Variants in KIRREL3 observed in about 807,000 individuals in gnomAD.
KIRREL3 encodes kin of IRRE-like protein 3.
Under a neutral mutation model 89.7 loss-of-function variants are expected in KIRREL3, and 36 were observed. The ratio of observed to expected loss-of-function variants is 0.40; its 90% confidence interval spans 0.31 to 0.53. The LOEUF (loss-of-function observed/expected upper bound fraction) is 0.53. Among genes scored for constraint, KIRREL3 ranks in the 20% least tolerant of loss-of-function variants. The pLI is 0.49. For missense variants in KIRREL3, 864 were observed against 1,056.6 expected (o/e 0.82, Z 2.53); for synonymous variants, 445 against 441.4 (o/e 1.01, Z -0.10).
In KIRREL3 at chr11:126,923,005, GTGCCC is replaced by G. The variant is rs368308983; in HGVS notation, c.55+77445_55+77449del. On this transcript the variant is annotated intron_variant, in intron 1 of 16. Transcript: ENST00000525144. ...GTCGGTGCCCTTGCACCAAGCATTCGTGCCCTGGCTCCCATGGCAGCATGCCCTCC... is the reference window on the plus strand; with the variant it reads ...GTCGGTGCCCTTGCACCAAGCATTCGTGGCTCCCATGGCAGCATGCCCTCC... Among the ~76,000 whole-genome samples, 150 of 152,276 alleles carry G rather than the reference GTGCCC, an allele frequency of 9.9e-4. No individual in the cohort carries two copies. The East Asian group carries it at 0.021, about 21-fold the overall frequency.
chr11:126,625,086 A>G (rs1943725779), intron 1 of KIRREL3, among the ~76,000 whole-genome samples: 1 of 152,118 alleles, frequency 6.6e-6, no homozygotes. Context: ...AACACTACAT[A>G]TCCCTGATGA....
At chr11:126,816,622 C>G (rs536493393) in intron 1 of KIRREL3, among the ~76,000 whole-genome samples, 1 of 152,310 alleles carries the variant, frequency 6.6e-6, no homozygotes, top group East Asian at 1.9e-4. Context: ...ATCTGTAACC[C>G]AGGAATCTCC....
Position 126,956,957 on chromosome 11 carries a change from G to A in KIRREL3, c.55+43498C>T, listed in dbSNP as rs551947291. On this transcript the variant is annotated intron_variant, in intron 1 of 16. Coordinates refer to ENST00000525144, the MANE Select transcript of KIRREL3 (RefSeq NM_032531.4). The stretch of plus-strand genomic sequence containing the variant: ...TGTTTTAATTTGCACTCGTGTGCAC[G>A]CCTCTTGGGTTGTGTTCTTAATCTG... 1.2e-4 allele frequency among the ~76,000 whole-genome samples: 18 copies of A among 152,264 alleles called. No individual in the cohort carries two copies. The South Asian group carries it at 2.7e-3, about 23-fold the overall frequency.
In KIRREL3 at chr11:126,510,796, GC is replaced by G. The variant is rs112480549; in HGVS notation, c.433+10518del. ...GTTAGACTTCAGGGACTTTGCACTG[GC>G]CATGGTGCTGACCAATCACAGGCTG... On this transcript the variant is annotated intron_variant, in intron 4 of 16. Coordinates refer to ENST00000525144, the MANE Select transcript of KIRREL3 (RefSeq NM_032531.4). Among the ~76,000 whole-genome samples the G allele has an allele frequency of 3.7e-3, 557 of 152,262 alleles. 5 individuals are homozygous for G. The highest frequency in any genetic ancestry group is 0.013 in the African/African-American group (537 of 41,532).
rs1034201953 is a variant in KIRREL3, at chr11:126,860,336, T to C, written c.55+140119A>G. On this transcript the variant is annotated intron_variant, in intron 1 of 16. Coordinates refer to ENST00000525144, the MANE Select transcript of KIRREL3 (RefSeq NM_032531.4). This position sits in a 1 kb window ranked among gnomAD's most constrained non-coding sequence, Gnocchi z 4.6. ...ATTTAATAAAGGCGTGGGCAATGGG[T>C]CTGGGAGCACAGAGAAGGTTGCCTT... Among the ~76,000 whole-genome samples, 1 of 152,124 alleles carries C rather than the reference T, an allele frequency of 6.6e-6. No individual in the cohort carries two copies. The highest frequency in any genetic ancestry group is 1.5e-5 in the Non-Finnish European group (1 of 68,036).
chr11:126,820,153 A>C (rs1943156743), intron 1 of KIRREL3, among the ~76,000 whole-genome samples: 1 of 152,314 alleles, frequency 6.6e-6, no homozygotes, highest in South Asian at 2.1e-4. Context: ...CATTTTGTTC[A>C]TGTGAATACT....
rs1390441202 is a variant in KIRREL3, at chr11:126,642,140, G to A, written c.56-79228C>T. ...GGTGGATCTCCATAACCCATGGGAG[G>A]GGAGGGACCTCCAACAATCTTGTTA... On this transcript the variant is annotated intron_variant, in intron 1 of 16. Coordinates refer to ENST00000525144, the MANE Select transcript of KIRREL3 (RefSeq NM_032531.4). This position sits in a 1 kb window ranked among gnomAD's most constrained non-coding sequence, Gnocchi z 4.9. 6.6e-6 allele frequency among the ~76,000 whole-genome samples: 1 copy of A among 152,102 alleles called. No homozygotes were observed. Among genetic ancestry groups the A allele is most frequent in the Non-Finnish European group, 1.5e-5 (1 of 68,000 alleles).
intron 4 of KIRREL3, among the ~76,000 whole-genome samples, chr11:126,483,479 A>G (rs1482996443): frequency 6.6e-6 from 1 of 152,236 alleles, no homozygotes; most frequent in Non-Finnish European, 1.5e-5. Context: ...GATGTAACCC[A>G]GTAGTCCCCT....
In KIRREL3 at chr11:126,477,321, C is replaced by T. The variant is rs564453821; in HGVS notation, c.434-3855G>A. On this transcript the variant is annotated intron_variant, in intron 4 of 16. Transcript: ENST00000525144. This position sits in a 1 kb window ranked among gnomAD's most constrained non-coding sequence, Gnocchi z 4.8. ...TACCTGCCCAGCTCTGCAGACTTTG[C>T]CTTGTTTGGGTGGGCGGTGGGGGTA... Among the ~76,000 whole-genome samples, 21 of 152,320 alleles carry T rather than the reference C, an allele frequency of 1.4e-4. No homozygotes were observed. The South Asian group carries it at 4.4e-3, about 32-fold the overall frequency.
rs903951638 is a variant in KIRREL3 at position 126,576,698 on chromosome 11, G to A, written c.56-13786C>T. Reference sequence around the variant, plus strand: ...CCAGTTGGTTTGAATGTGGGTGCACGTGCATGTATGAGTTCATTAATTTGC... The same window carrying A: ...CCAGTTGGTTTGAATGTGGGTGCACATGCATGTATGAGTTCATTAATTTGC... On this transcript the variant is annotated intron_variant, in intron 1 of 16. Coordinates refer to ENST00000525144, the MANE Select transcript of KIRREL3 (RefSeq NM_032531.4). The surrounding 1 kb of genome is among the most constrained non-coding windows in gnomAD (Gnocchi z 5.4). Among the ~76,000 whole-genome samples the A allele has an allele frequency of 1.3e-5, 2 of 152,210 alleles. No individual in the cohort carries two copies. The highest frequency in any genetic ancestry group is 2.9e-5 in the Non-Finnish European group (2 of 68,036).
intron 1 of KIRREL3, among the ~76,000 whole-genome samples, chr11:126,820,381 G>T (rs556175445): frequency 2.6e-5 from 4 of 152,220 alleles, no homozygotes; most frequent in East Asian, 3.9e-4. Context: ...AAAGATACAC[G>T]CATAGAAGAT....
Position 126,918,380 on chromosome 11 carries a change from T to C in KIRREL3, c.55+82075A>G, listed in dbSNP as rs1287400740. ...TATTTTGGCAATTTGGTGCCGAATA[T>C]TTACGACAGTGCTTTAGACCATCCA... On this transcript the variant is annotated intron_variant, in intron 1 of 16. Coordinates refer to ENST00000525144, the MANE Select transcript of KIRREL3 (RefSeq NM_032531.4). This position sits in a 1 kb window ranked among gnomAD's most constrained non-coding sequence, Gnocchi z 6.5. Among the ~76,000 whole-genome samples the C allele has an allele frequency of 6.6e-6, 1 of 152,214 alleles. No homozygotes were observed. Among genetic ancestry groups the C allele is most frequent in the East Asian group, 1.9e-4 (1 of 5,204 alleles).
intron 1 of KIRREL3, among the ~76,000 whole-genome samples, chr11:126,884,955 C>T (rs983334263): frequency 6.6e-6 from 1 of 152,046 alleles, no homozygotes; most frequent in African/African-American, 2.4e-5. Flanking sequence ...GAGTTGAAAA[C>T]TTAATGTTGA....
At position 126,654,548 on chromosome 11, in the gene KIRREL3, T is replaced by G. The variant is rs115442292; in HGVS notation, c.56-91636A>C. Among the ~76,000 whole-genome samples, 726 of 152,076 alleles carry G rather than the reference T, an allele frequency of 4.8e-3. 5 individuals are homozygous for G. The highest frequency in any genetic ancestry group is 0.017 in the African/African-American group (704 of 41,458). ...GTAACAGTTAAAGAGGAAGAGCATGTGTAATGTAGGAAGCGCTTTTGCTTC... is the reference window on the plus strand; with the variant it reads ...GTAACAGTTAAAGAGGAAGAGCATGGGTAATGTAGGAAGCGCTTTTGCTTC... On this transcript the variant is annotated intron_variant, in intron 1 of 16. Transcript: ENST00000525144.
chr11:126,722,689 T>C (rs3909724), intron 1 of KIRREL3, among the ~76,000 whole-genome samples: 133,505 of 152,304 alleles, frequency 0.88, 58,684 homozygotes, highest in East Asian at 1. Flanking sequence ...TGTGCTGAGC[T>C]GTGCTCTAAC....
At chr11:126,758,182 G>C (rs550360012) in intron 1 of KIRREL3, among the ~76,000 whole-genome samples, 36 of 152,230 alleles carry the variant, frequency 2.4e-4, no homozygotes, top group Non-Finnish European at 4.0e-4. Flanking sequence ...TTTCGATAAA[G>C]CTGCCCAGGC....
chr11:126,450,668 T>C (rs1444944170), intron 7 of KIRREL3, among the ~76,000 whole-genome samples: 1 of 150,708 alleles, frequency 6.6e-6, no homozygotes, highest in Non-Finnish European at 1.5e-5. Context: ...TGAGTGTGTG[T>C]GTGTCCATGT....
At chr11:126,494,824 G>C (rs1957611676) in intron 4 of KIRREL3, among the ~76,000 whole-genome samples, 1 of 152,222 alleles carries the variant, frequency 6.6e-6, no homozygotes, top group South Asian at 2.1e-4. Context: ...AGATGGATGG[G>C]CTCCCGAGGC....
intron 4 of KIRREL3, among the ~76,000 whole-genome samples, chr11:126,482,715 G>A (rs918031555): frequency 4.6e-5 from 7 of 152,172 alleles, no homozygotes; most frequent in Admixed American, 3.9e-4. Flanking sequence ...TGCCCTGCTG[G>A]GAGCTGGGTG....
Sources: allele counts gnomAD v4.1 joint callset (sites outside exome capture counted in the v4.1 genomes callset), GRCh38; gene constraint gnomAD v4.1.1; non-coding constraint Gnocchi (gnomAD v3.1); transcripts MANE v1.5; gene names NCBI Gene and HGNC (gene_info 2026-07-23, HGNC 2026-07-21).